The following EPHA5 variants were observed in gnomAD, a reference collection of about 807,000 sequenced individuals.
The protein encoded by EPHA5 is ephrin type-A receptor 5.
A neutral mutation model predicts 105.0 loss-of-function variants in EPHA5; 60 were observed. The observed-to-expected ratio is 0.57, with a 90% CI of 0.46 to 0.71. EPHA5 has a LOEUF of 0.71. EPHA5 is among the 30% of genes least tolerant of loss of function. The pLI is 0.00. For synonymous variants in EPHA5, 513 were observed against 449.1 expected, an observed-to-expected ratio of 1.14 and a Z score of -1.80; for missense variants, 1,218 against 1,274.7, an observed-to-expected ratio of 0.96 and a Z score of 0.68.
intron 2 of EPHA5, among the ~76,000 whole-genome samples, chr4:65,616,730 A>T (rs1578590907): frequency 6.6e-6 from 1 of 151,954 alleles, no homozygotes; most frequent in East Asian, 1.9e-4. Context: ...TCATTTTTTT[A>T]TTCCCCAAAT....
At chr4:65,361,105 G>T (rs895009703) in intron 11 of EPHA5, among the ~76,000 whole-genome samples, 3 of 151,552 alleles carry the variant, frequency 2.0e-5, no homozygotes, top group South Asian at 2.1e-4. Flanking sequence ...AAAAACCTCT[G>T]CCCTTTGAAG....
intron 2 of EPHA5, among the ~76,000 whole-genome samples, chr4:65,612,110 C>A (rs1578577474): frequency 1.3e-5 from 2 of 150,810 alleles, no homozygotes; most frequent in Admixed American, 1.3e-4. Flanking sequence ...GTCCAGTCAG[C>A]AGCTGGCATT....
intron 3 of EPHA5, among the ~76,000 whole-genome samples, chr4:65,594,594 G>A (rs1297539415): frequency 6.6e-6 from 1 of 152,128 alleles, no homozygotes; most frequent in African/African-American, 2.4e-5. Context: ...GAAAGTAGGA[G>A]TGCAGACCAG....
At chr4:65,594,200 TCTC>T (rs565877720) in intron 3 of EPHA5, among the ~76,000 whole-genome samples, 7 of 152,284 alleles carry the variant, frequency 4.6e-5, no homozygotes, top group South Asian at 4.1e-4. Context: ...ATTAAAATCT[TCTC>T]CTGATAATTA....
rs144220642 is a variant in EPHA5 at position 65,446,798 on chromosome 4, G to A, written c.1403-26233C>T. On this transcript the variant is annotated intron_variant, in intron 5 of 16. Transcript: ENST00000613740. ...CTTAAATATGTTTCTATATGGCTGC[G>A]ACACAAATGGTGAAGTTGGAGAATA... Among the ~76,000 whole-genome samples, 12 of 152,106 alleles carry A rather than the reference G, an allele frequency of 7.9e-5. No homozygotes were observed. In the East Asian group the frequency reaches 1.4e-3, roughly 17 times the overall value.
At chr4:65,652,309 G>C (rs1332488641) in intron 1 of EPHA5, among the ~76,000 whole-genome samples, 1 of 152,122 alleles carries the variant, frequency 6.6e-6, no homozygotes, top group Non-Finnish European at 1.5e-5. Flanking sequence ...TTCTGCTACT[G>C]TGTGACCTTG....
intron 9 of EPHA5, among the ~76,000 whole-genome samples, 194 bp from the exon 10 acceptor site, chr4:65,366,251 G>C (rs529606221): frequency 6.6e-6 from 1 of 151,594 alleles, no homozygotes; most frequent in African/African-American, 2.4e-5. Flanking sequence ...CTGTTTGCAG[G>C]CACAAGAAAT....
intron 5 of EPHA5, among the ~76,000 whole-genome samples, chr4:65,423,355 C>T (rs72641028): frequency 0.014 from 2,070 of 152,038 alleles, 28 homozygotes; most frequent in Middle Eastern, 0.027. Flanking sequence ...CCCCAGCATT[C>T]AATATTGTAC....
At chr4:65,359,589 G>A (rs1388436741) in intron 11 of EPHA5, among the ~76,000 whole-genome samples, 1 of 151,440 alleles carries the variant, frequency 6.6e-6, no homozygotes, top group African/African-American at 2.4e-5. Flanking sequence ...ATAATTTATA[G>A]TTATCATTGA....
chr4:65,371,865 G>A lies in EPHA5; in HGVS notation c.1794-4441C>T, dbSNP rs924933949. On this transcript the variant is annotated intron_variant, in intron 8 of 16. Transcript: ENST00000613740. ...TCACAATAGGGGAAGAAGTGGTTTT[G>A]CACTTAATTTACTCAAAAGAGTGAG... 3.3e-5 allele frequency among the ~76,000 whole-genome samples: 5 copies of A among 151,906 alleles called. No individual in the cohort carries two copies. The East Asian group carries it at 9.7e-4, about 29-fold the overall frequency.
intron 12 of EPHA5, among the ~76,000 whole-genome samples, chr4:65,351,802 A>G (rs903582703): frequency 5.3e-5 from 8 of 152,036 alleles, no homozygotes; most frequent in Non-Finnish European, 8.8e-5. Flanking sequence ...CAAAGCAGAT[A>G]AAGGTTTTGA....
chr4:65,438,861 T>A (rs1364468518), intron 5 of EPHA5, among the ~76,000 whole-genome samples: 2 of 152,042 alleles, frequency 1.3e-5, no homozygotes, highest in Admixed American at 6.6e-5. Flanking sequence ...GATAATATAA[T>A]GTGTAACTAT....
rs111319032 is a variant in EPHA5, at chr4:65,388,931, G to A, written c.1793+15443C>T. ...TGGTAATGCCTAGGTTTTATTCTAGGGTTTTTATGGTTTTAGGTCCATCTA... is the reference window on the plus strand; with the variant it reads ...TGGTAATGCCTAGGTTTTATTCTAGAGTTTTTATGGTTTTAGGTCCATCTA... On this transcript the variant is annotated intron_variant, in intron 8 of 16. Transcript: ENST00000613740. 1.8e-3 allele frequency among the ~76,000 whole-genome samples: 268 copies of A among 151,886 alleles called. 2 individuals carry two copies. Among genetic ancestry groups the A allele is most frequent in the African/African-American group, 6.1e-3 (253 of 41,472 alleles).
intron 16 of EPHA5, among the ~76,000 whole-genome samples, chr4:65,327,966 G>T (rs1023898319): frequency 1.3e-5 from 2 of 151,048 alleles, no homozygotes; most frequent in Non-Finnish European, 3.0e-5. Context: ...TGATATTGCT[G>T]CCCTATGTAC....
chr4:65,489,149 G>A (rs1409720366), intron 5 of EPHA5, among the ~76,000 whole-genome samples: 1 of 151,758 alleles, frequency 6.6e-6, no homozygotes, highest in Non-Finnish European at 1.5e-5. Flanking sequence ...CACCCATCTC[G>A]GCCTCCCAAA....
In EPHA5 at chr4:65,624,092, C is replaced by T. The variant is rs192279339; in HGVS notation, c.246+19271G>A. Among the ~76,000 whole-genome samples, 3 of 152,136 alleles carry T rather than the reference C, an allele frequency of 2.0e-5. No individual in the cohort carries two copies. In the East Asian group the frequency reaches 5.8e-4, roughly 29 times the overall value. ...ATCTAATAGCTAACTTCACATTCCA[C>T]TATTACCAATTATGATACAGATCAG... On this transcript the variant is annotated intron_variant, in intron 2 of 16. Transcript: ENST00000613740.
intron 5 of EPHA5, among the ~76,000 whole-genome samples, chr4:65,456,772 T>C (rs1727640353): frequency 6.6e-6 from 1 of 152,108 alleles, no homozygotes; most frequent in African/African-American, 2.4e-5. Flanking sequence ...ATTTGTAATA[T>C]GTCACCTATC....
At chr4:65,520,511 G>A (rs1734582948) in intron 3 of EPHA5, among the ~76,000 whole-genome samples, 1 of 152,148 alleles carries the variant, frequency 6.6e-6, no homozygotes, top group South Asian at 2.1e-4. Context: ...GGCAACAAAA[G>A]CCAAAATGGA....
intron 2 of EPHA5, among the ~76,000 whole-genome samples, chr4:65,636,706 A>C (rs914698904): frequency 6.6e-6 from 1 of 152,188 alleles, no homozygotes; most frequent in Non-Finnish European, 1.5e-5. Flanking sequence ...TGTGTCGCTA[A>C]CTACTTAAGT....
Sources: allele counts gnomAD v4.1 joint callset (sites outside exome capture counted in the v4.1 genomes callset), GRCh38; gene constraint gnomAD v4.1.1; transcripts MANE v1.5; gene names NCBI Gene and HGNC (gene_info 2026-07-23, HGNC 2026-07-21).